Variants in SLC7A11 observed in about 807,000 individuals in gnomAD.
SLC7A11 encodes the protein cystine/glutamate transporter.
A neutral mutation model predicts 54.5 loss-of-function variants in SLC7A11; 35 were observed. The observed-to-expected ratio is 0.64, with a 90% CI of 0.49 to 0.85. SLC7A11 has a LOEUF of 0.85. Ranked by LOEUF, SLC7A11 falls within the 40% of genes least tolerant of loss-of-function variation. The probability of loss-of-function intolerance (pLI) is 0.00; values close to 1 mark genes in which losing one functional copy is unlikely to be tolerated. For synonymous variants in SLC7A11, 230 were observed against 225.2 expected (o/e 1.02, Z -0.19); for missense variants, 583 against 618.1 (o/e 0.94, Z 0.60).
chr4:138,216,435 TG>T (rs1737682889), intron 5 of SLC7A11, among the ~76,000 whole-genome samples: 1 of 152,110 alleles, frequency 6.6e-6, no homozygotes, highest in Non-Finnish European at 1.5e-5. Flanking sequence ...GATCAGGATA[TG>T]GGACTGAGTT....
chr4:138,205,532 C>A (rs1384653594), intron 6 of SLC7A11, among the ~76,000 whole-genome samples: 1 of 152,046 alleles, frequency 6.6e-6, no homozygotes, highest in Non-Finnish European at 1.5e-5. Flanking sequence ...CTACATGTGA[C>A]ATTATGCTAT....
chr4:138,214,496 C>A (rs2148439122), intron 6 of SLC7A11, 89 bp downstream of exon 6: 2 of 684,102 alleles, frequency 2.9e-6, no homozygotes, highest in East Asian at 3.1e-5. Context: ...CTAGCCCACA[C>A]TGAATTCCTT....
rs1209687295 is a variant in SLC7A11 at position 138,164,643 on chromosome 4, A to G, written c.*7313T>C. On this transcript the variant is annotated 3_prime_UTR_variant, in exon 12 of 12. Coordinates refer to ENST00000280612, the MANE Select transcript of SLC7A11 (RefSeq NM_014331.4). ...TTTAAGAATTTTATCAATGTAAGAC[A>G]TTGTATTAAATTTGTATAAAATACA... The G allele has an allele frequency of 2.0e-5, 3 of 152,298 alleles. No homozygotes were observed. In the East Asian group the frequency reaches 5.8e-4, roughly 29 times the overall value. 9.4% of individuals were successfully genotyped at this position (152,298 alleles called of 1,614,324 possible). A position where few individuals can be genotyped will look rare whatever the true frequency, so the allele number is the denominator to read the frequency against.
At position 138,236,379 on chromosome 4, in the gene SLC7A11, A is replaced by T. The variant is rs1422528849; in HGVS notation, c.350T>A (p.Val117Asp). The T allele has an allele frequency of 6.2e-7, 1 of 1,613,600 alleles. No individual in the cohort carries two copies. The highest frequency in any genetic ancestry group is 1.7e-5 in the Admixed American group (1 of 60,008). ...SGGHYTYILE[V>D]FGPLPAFVRV... ...TACAAAAGCTGGTAATGGACCAAAG[A>T]CTTCCAAAATATATGTGTAATGACC... is the stretch of plus-strand genomic sequence containing the variant. The change falls in exon 2 of 12, where the codon GTC becomes GAC. Residue 117 changes from valine to aspartate, a missense_variant. By Grantham distance (152) the Val-to-Asp change is radical. Transcript: ENST00000280612.
At position 138,194,609 on chromosome 4, in the gene SLC7A11, A is replaced by G. The variant is rs56864244; in HGVS notation, c.792-9365T>C. Among the ~76,000 whole-genome samples, 1,417 of 152,252 alleles carry G rather than the reference A, an allele frequency of 9.3e-3. 19 individuals carry two copies. The highest frequency in any genetic ancestry group is 0.03 in the African/African-American group (1,240 of 41,544). ...TTTATACTCTAAATTCCCACAACCA[A>G]GAAAAATGTCTATATATACCATCCC... is the stretch of plus-strand genomic sequence containing the variant. On this transcript the variant is annotated intron_variant, in intron 6 of 11. Coordinates refer to ENST00000280612, the MANE Select transcript of SLC7A11 (RefSeq NM_014331.4).
At chr4:138,234,539 GACAC>G in intron 2 of SLC7A11, among the ~76,000 whole-genome samples, 1 of 151,484 alleles carries the variant, frequency 6.6e-6, no homozygotes, top group South Asian at 2.1e-4. Flanking sequence ...TCTGTCAACA[GACAC>G]ACACACACAG....
In SLC7A11 at chr4:138,164,554, A is replaced by C. The variant is rs374879721; in HGVS notation, c.*7402T>G. On this transcript the variant is annotated 3_prime_UTR_variant, in exon 12 of 12. Transcript: ENST00000280612. ...CTCTCTGCACCATTTATATCTTCAT[A>C]GATAAATATCTTAGTTCTAATATGA... 3 of 152,200 alleles carry C rather than the reference A, an allele frequency of 2.0e-5. No homozygotes were observed. The highest frequency in any genetic ancestry group is 2.0e-4 in the Admixed American group (3 of 15,270). 9.4% of individuals were successfully genotyped at this position (152,200 alleles called of 1,614,324 possible).
chr4:138,175,415 C>T lies in SLC7A11; in HGVS notation c.1445-3398G>A, dbSNP rs748204246. ...ACAAGGTTTGGCTGCTAAATAGAGA[C>T]AGCCAAGTAAAACAGCTGCTGTGAG... On this transcript the variant is annotated intron_variant, in intron 11 of 11. Coordinates refer to ENST00000280612, the MANE Select transcript of SLC7A11 (RefSeq NM_014331.4). Among the ~76,000 whole-genome samples the T allele has an allele frequency of 3.9e-5, 6 of 152,164 alleles. 1 individual carries two copies. Among genetic ancestry groups the T allele is most frequent in the Admixed American group, 6.6e-5 (1 of 15,254 alleles).
chr4:138,236,507 G>T (rs1738211849), intron 1 of SLC7A11, 56 bp from the exon 2 acceptor site: 3 of 1,500,944 alleles, frequency 2.0e-6, no homozygotes, highest in South Asian at 2.5e-5. Context: ...AAGACACCCA[G>T]CATTAGAATA....
At position 138,171,034 on chromosome 4, in the gene SLC7A11, ACAT is replaced by A. The variant is rs969821791; in HGVS notation, c.*919_*921del. The A allele has an allele frequency of 2.6e-5, 4 of 152,192 alleles. No homozygotes were observed. The highest frequency in any genetic ancestry group is 9.6e-5 in the African/African-American group (4 of 41,458). 9.4% of individuals were successfully genotyped at this position (152,192 alleles called of 1,614,324 possible). On this transcript the variant is annotated 3_prime_UTR_variant, in exon 12 of 12. Coordinates refer to ENST00000280612, the MANE Select transcript of SLC7A11 (RefSeq NM_014331.4). ...TACAGATATGGGACTATTATTTTGA[ACAT>A]CTTCTTTGTTGGTGATTTCTCTCAT...
chr4:138,224,119 G>A (rs1490151669), intron 3 of SLC7A11, among the ~76,000 whole-genome samples: 1 of 152,092 alleles, frequency 6.6e-6, no homozygotes, highest in African/African-American at 2.4e-5. Flanking sequence ...CTGTATCGCT[G>A]GTATCCAGCT....
At chr4:138,202,806 A>C (rs1170518190) in intron 6 of SLC7A11, among the ~76,000 whole-genome samples, 1 of 152,128 alleles carries the variant, frequency 6.6e-6, no homozygotes, top group Non-Finnish European at 1.5e-5. Context: ...ACAAGAGCTA[A>C]AACTGTAGCC....
rs200269415 is a variant in SLC7A11 at position 138,241,785 on chromosome 4, G to T, written c.277+8C>A. 8.1e-6 allele frequency: 13 copies of T among 1,600,620 alleles called. No individual in the cohort carries two copies. The African/African-American group carries it at 1.2e-4, about 15-fold the overall frequency. ...CCACGCCCCCACGAGAGAAAAAGTC[G>T]CACTCACCAAATAGTGACAGGACCC... On this transcript the variant is annotated splice_region_variant and intron_variant, in intron 1 of 11. Transcript: ENST00000280612.
In SLC7A11 at chr4:138,242,195, T is replaced by C. The variant is rs536715280; in HGVS notation, c.-126A>G. On this transcript the variant is annotated 5_prime_UTR_variant, in exon 1 of 12. Coordinates refer to ENST00000280612, the MANE Select transcript of SLC7A11 (RefSeq NM_014331.4). ...CAGACTGTCTCTCTCAGCGCTATAGTGTTCACAGGTGAAAACTCAAAGGTG... is the reference window on the plus strand; with the variant it reads ...CAGACTGTCTCTCTCAGCGCTATAGCGTTCACAGGTGAAAACTCAAAGGTG... 6 of 1,101,432 alleles carry C rather than the reference T, an allele frequency of 5.4e-6. No homozygotes were observed. Among genetic ancestry groups the C allele is most frequent in the Non-Finnish European group, 7.7e-6 (6 of 784,130 alleles). The allele number at this position is 1,101,432 out of a possible 1,614,324, so 68.2% of individuals were successfully genotyped here.
chr4:138,232,916 T>G (rs1738116151), intron 2 of SLC7A11, among the ~76,000 whole-genome samples: 1 of 152,184 alleles, frequency 6.6e-6, no homozygotes, highest in South Asian at 2.1e-4. Context: ...CAAAGTCAAG[T>G]GATTATTCTT....
At chr4:138,240,880 T>C (rs1420960852) in intron 1 of SLC7A11, among the ~76,000 whole-genome samples, 2 of 152,226 alleles carry the variant, frequency 1.3e-5, no homozygotes, top group Non-Finnish European at 2.9e-5. Flanking sequence ...GGTAGCTCTC[T>C]AGTAATTTGC....
At chr4:138,177,785 A>G (rs1736617813) in intron 11 of SLC7A11, 1 of 152,022 alleles carries the variant, frequency 6.6e-6, no homozygotes, top group African/African-American at 2.4e-5. Flanking sequence ...CTAGTCATCT[A>G]CTATGTTTTC....
chr4:138,217,731 C>A (rs967804300), intron 5 of SLC7A11, among the ~76,000 whole-genome samples: 4 of 152,204 alleles, frequency 2.6e-5, no homozygotes, highest in African/African-American at 9.6e-5. Context: ...TAGCTGAAAG[C>A]TTTCTCTACC....
chr4:138,185,201 T>C lies in SLC7A11; in HGVS notation c.835A>G (p.Ile279Val), dbSNP rs770409520. ...AICISMAIVT[I>V]GYVLTNVAYF... The stretch of plus-strand genomic sequence containing the variant: ...GCCACATTTGTCAGCACATAGCCAA[T>C]GGTGACAATGGCCATGGATATACAT... Residue 279 changes from isoleucine to valine, a missense_variant, in exon 7 of 12, where the codon ATT (isoleucine) becomes GTT (valine). By Grantham distance (29) the Ile-to-Val change is conservative. Coordinates refer to ENST00000280612, the MANE Select transcript of SLC7A11 (RefSeq NM_014331.4). 7.4e-6 allele frequency: 12 copies of C among 1,612,766 alleles called. No homozygotes were observed. In the East Asian group the frequency reaches 1.6e-4, roughly 21 times the overall value.
Sources: gnomAD v4.1 joint callset for allele counts (sites outside exome capture counted in the v4.1 genomes callset) on GRCh38, gnomAD v4.1.1 for gene constraint, MANE v1.5 for transcripts, NCBI Gene and HGNC (gene_info 2026-07-23, HGNC 2026-07-21) for gene names.